The following CDH8 variants were observed in gnomAD, a reference collection of about 807,000 sequenced individuals.
CDH8 encodes cadherin-8.
CDH8 carries 17 observed loss-of-function variants against 68.1 expected under a neutral mutation model. That is an observed-to-expected ratio of 0.25 (90% CI 0.17 to 0.37). The LOEUF (loss-of-function observed/expected upper bound fraction) is 0.37, where lower values mean the gene tolerates loss of function less well. CDH8 is among the 10% of genes least tolerant of loss of function. The probability of loss-of-function intolerance (pLI) is 1.00; values close to 1 mark genes in which losing one functional copy is unlikely to be tolerated. For synonymous variants in CDH8, 372 were observed against 365.1 expected (o/e 1.02, Z -0.21); for missense variants, 763 against 999.3 (o/e 0.76, Z 3.19).
chr16:61,707,403 A>C (rs1008666108), intron 10 of CDH8, among the ~76,000 whole-genome samples: 1 of 152,214 alleles, frequency 6.6e-6, no homozygotes, highest in African/African-American at 2.4e-5. Flanking sequence ...CATAGATCGT[A>C]ATCGGAAGAG....
At chr16:61,941,942 C>A (rs1017754320) in intron 2 of CDH8, among the ~76,000 whole-genome samples, 2 of 152,258 alleles carry the variant, frequency 1.3e-5, no homozygotes, top group East Asian at 3.9e-4. Context: ...CATTAACCTG[C>A]TCCTCGTTTT....
At chr16:61,801,063 ATTAAG>A (rs1961613869) in intron 7 of CDH8, among the ~76,000 whole-genome samples, 1 of 152,068 alleles carries the variant, frequency 6.6e-6, no homozygotes, top group Non-Finnish European at 1.5e-5. Context: ...AAGCATTATT[ATTAAG>A]TTTTGTTCCC....
At chr16:61,735,935 T>A (rs1959665668) in intron 8 of CDH8, among the ~76,000 whole-genome samples, 1 of 151,864 alleles carries the variant, frequency 6.6e-6, no homozygotes, top group African/African-American at 2.4e-5. Flanking sequence ...TAGCTGGGCA[T>A]GTTGGCACGC....
chr16:61,794,251 A>C (rs1056353939), intron 7 of CDH8, among the ~76,000 whole-genome samples: 1 of 151,902 alleles, frequency 6.6e-6, no homozygotes, highest in Non-Finnish European at 1.5e-5. Flanking sequence ...GGAGAGTCTT[A>C]GTCCAAAGGC....
rs1470659522 is a variant in CDH8, at chr16:61,984,194, A to G, written c.252+36958T>C. Reference sequence around the variant, plus strand: ...CGGCCTCCCAAAGTGCTGGGATTACAGGCGTTAGCCACCATGCCCAACTCT... The same window carrying G: ...CGGCCTCCCAAAGTGCTGGGATTACGGGCGTTAGCCACCATGCCCAACTCT... On this transcript the variant is annotated intron_variant, in intron 2 of 11. Transcript: ENST00000577390. Among the ~76,000 whole-genome samples the G allele has an allele frequency of 1.3e-5, 2 of 152,156 alleles. 1 individual carries two copies. Among genetic ancestry groups the G allele is most frequent in the African/African-American group, 4.8e-5 (2 of 41,444 alleles).
At chr16:61,922,606 A>G (rs1425804108) in intron 2 of CDH8, among the ~76,000 whole-genome samples, 1 of 152,134 alleles carries the variant, frequency 6.6e-6, no homozygotes, top group Admixed American at 6.5e-5. Flanking sequence ...TTTTTATGAA[A>G]GTTCTTTTTA....
chr16:61,933,712 G>A (rs1964582809), intron 2 of CDH8, among the ~76,000 whole-genome samples: 1 of 151,862 alleles, frequency 6.6e-6, no homozygotes, highest in Non-Finnish European at 1.5e-5. Flanking sequence ...TAGTGCTGGT[G>A]GTGATTTTTT....
chr16:61,727,291 A>C, intron 8 of CDH8, 76 bp from the exon 9 acceptor site: 1 of 1,438,238 alleles, frequency 7.0e-7, no homozygotes, highest in Non-Finnish European at 9.4e-7. Flanking sequence ...TCTTGAAAGC[A>C]TGTGTGTCTG....
chr16:61,803,616 A>T lies in CDH8; in HGVS notation c.1277+13863T>A, dbSNP rs1427315418. 2.0e-5 allele frequency among the ~76,000 whole-genome samples: 3 copies of T among 152,154 alleles called. No homozygotes were observed. The East Asian group carries it at 5.8e-4, about 29-fold the overall frequency. ...ACATAGGTTCAAAATAAAAGGATGGAGGAAGATCTACCAAGGAAATGGAAA... is the reference window on the plus strand; with the variant it reads ...ACATAGGTTCAAAATAAAAGGATGGTGGAAGATCTACCAAGGAAATGGAAA... On this transcript the variant is annotated intron_variant, in intron 7 of 11. Transcript: ENST00000577390.
chr16:62,034,380 A>G (rs931849462), intron 1 of CDH8, among the ~76,000 whole-genome samples: 5 of 152,178 alleles, frequency 3.3e-5, no homozygotes, highest in African/African-American at 1.2e-4. Flanking sequence ...CGAATCTTAC[A>G]TAAACATCTT....
intron 7 of CDH8, among the ~76,000 whole-genome samples, chr16:61,801,394 C>T (rs1281664863): frequency 6.6e-6 from 1 of 152,142 alleles, no homozygotes; most frequent in African/African-American, 2.4e-5. Flanking sequence ...CTGTTCTATC[C>T]AATATGGTAA....
At chr16:61,887,792 T>G (rs1963702584) in intron 3 of CDH8, among the ~76,000 whole-genome samples, 1 of 152,146 alleles carries the variant, frequency 6.6e-6, no homozygotes, top group African/African-American at 2.4e-5. Flanking sequence ...AAAAATGTGT[T>G]AATACTTGAC....
intron 8 of CDH8, among the ~76,000 whole-genome samples, chr16:61,743,953 C>T (rs924916476): frequency 6.6e-6 from 1 of 151,962 alleles, no homozygotes; most frequent in Non-Finnish European, 1.5e-5. Context: ...ATTTTCAATA[C>T]TTAAGAATAA....
chr16:61,880,702 C>T (rs1490211912), intron 3 of CDH8, among the ~76,000 whole-genome samples: 1 of 152,078 alleles, frequency 6.6e-6, no homozygotes, highest in East Asian at 1.9e-4. Flanking sequence ...TGTTCAAAAC[C>T]ATGTTTTGAA....
intron 4 of CDH8, among the ~76,000 whole-genome samples, chr16:61,836,747 T>C (rs1050449124): frequency 6.6e-6 from 1 of 151,938 alleles, no homozygotes; most frequent in African/African-American, 2.4e-5. Context: ...CTGAGATATA[T>C]ATATATACTT....
intron 8 of CDH8, among the ~76,000 whole-genome samples, chr16:61,777,890 T>A (rs532859304): frequency 6.6e-6 from 1 of 152,290 alleles, no homozygotes; most frequent in South Asian, 2.1e-4. Flanking sequence ...TCCCCAGGAA[T>A]CTGTAGCTTC....
At chr16:61,659,076 A>G (rs1205284014) in intron 10 of CDH8, among the ~76,000 whole-genome samples, 2 of 152,182 alleles carry the variant, frequency 1.3e-5, no homozygotes, top group African/African-American at 4.8e-5. Flanking sequence ...AGCTTCAGCA[A>G]TCTTCTAAGA....
intron 8 of CDH8, among the ~76,000 whole-genome samples, chr16:61,754,566 G>A (rs536340648): frequency 5.9e-5 from 9 of 151,726 alleles, no homozygotes; most frequent in Admixed American, 2.0e-4. Context: ...ATATTTTGAC[G>A]CATGTATAGA....
rs979266063 is a variant in CDH8, at chr16:61,879,879, G to A, written c.547+21300C>T. Among the ~76,000 whole-genome samples the A allele has an allele frequency of 4.0e-5, 6 of 150,108 alleles. No individual in the cohort carries two copies. In the East Asian group the frequency reaches 5.9e-4, roughly 15 times the overall value. On this transcript the variant is annotated intron_variant, in intron 3 of 11. Transcript: ENST00000577390. ...TTAATCAATCAATTAATTGTATGAA[G>A]GAAAATCCAGAAGAATATGAGGTTT...
Sources: allele counts gnomAD v4.1 joint callset (sites outside exome capture counted in the v4.1 genomes callset), GRCh38; gene constraint gnomAD v4.1.1; transcripts MANE v1.5; gene names NCBI Gene and HGNC (gene_info 2026-07-23, HGNC 2026-07-21).